The following CUX2 variants were observed in gnomAD, a reference collection of about 807,000 sequenced individuals.
CUX2 encodes the protein cut like homeobox 2, also known as homeobox protein cut-like 2.
A neutral mutation model predicts 144.8 loss-of-function variants in CUX2; 40 were observed. The ratio of observed to expected loss-of-function variants is 0.28; its 90% CI spans 0.21 to 0.36. CUX2 has a LOEUF of 0.36. Ranked by LOEUF, CUX2 falls within the 10% of genes least tolerant of loss-of-function variation. The probability of loss-of-function intolerance (pLI) is 1.00; values close to 1 mark genes in which losing one functional copy is unlikely to be tolerated. For missense variants in CUX2, 1,615 were observed against 1,994.0 expected, an observed-to-expected ratio of 0.81 and a Z score of 3.62; for synonymous variants, 827 against 875.6, an observed-to-expected ratio of 0.94 and a Z score of 0.98.
chr12:111,237,699 C>T (rs1245936438), intron 3 of CUX2, among the ~76,000 whole-genome samples: 1 of 152,220 alleles, frequency 6.6e-6, no homozygotes, highest in Non-Finnish European at 1.5e-5. Context: ...CGGCCACCAC[C>T]TCCAAGACCA....
chr12:111,237,685 C>A (rs534522127), intron 3 of CUX2, among the ~76,000 whole-genome samples: 4 of 152,322 alleles, frequency 2.6e-5, no homozygotes, highest in African/African-American at 4.8e-5. Context: ...GAAACCCAGA[C>A]CTCCGGCCAC....
chr12:111,343,496 T>G (rs1031896300), intron 21 of CUX2, among the ~76,000 whole-genome samples: 4 of 151,952 alleles, frequency 2.6e-5, no homozygotes. Context: ...GAAAATCCAC[T>G]CATCCATTCC....
chr12:111,175,907 G>T (rs1035435296), intron 1 of CUX2, among the ~76,000 whole-genome samples: 1 of 152,002 alleles, frequency 6.6e-6, no homozygotes, highest in Admixed American at 6.6e-5. Context: ...GGTCTTGAAT[G>T]TTGGGTCCAG....
intron 19 of CUX2, among the ~76,000 whole-genome samples, chr12:111,335,715 TA>T (rs1888322608): frequency 6.6e-6 from 1 of 151,606 alleles, no homozygotes; most frequent in Admixed American, 6.6e-5. Flanking sequence ...TCCAAAAAAA[TA>T]AAAAATAAAA....
At chr12:111,235,089 G>A (rs552377519) in intron 3 of CUX2, among the ~76,000 whole-genome samples, 6 of 152,272 alleles carry the variant, frequency 3.9e-5, no homozygotes, top group African/African-American at 1.2e-4. Flanking sequence ...TTTGTCAAGA[G>A]GTTGAGTGAG....
chr12:111,107,892 A>G (rs915271016), intron 1 of CUX2, among the ~76,000 whole-genome samples: 1 of 152,178 alleles, frequency 6.6e-6, no homozygotes, highest in Non-Finnish European at 1.5e-5. Context: ...CCTAACCACA[A>G]CACAATTACA....
At chr12:111,213,691 C>T (rs994556381) in intron 1 of CUX2, among the ~76,000 whole-genome samples, 1 of 152,150 alleles carries the variant, frequency 6.6e-6, no homozygotes, top group African/African-American at 2.4e-5. Flanking sequence ...TCTTAAAAGG[C>T]GTATTTATGA....
chr12:111,314,645 A>AAAAAAAAC lies in CUX2; in HGVS notation c.2002+2451_2002+2452insCAAAAAAA, dbSNP rs1887088631. ...ACAAGAGCAAAACTCAGTCTAAAAAAAAAAAAAAAAAAAAAAAAAAAAACC... is the reference window on the plus strand; with the variant it reads ...ACAAGAGCAAAACTCAGTCTAAAAAAAAAAAAACAAAAAAAAAAAAAAAAAAAAAAACC... On this transcript the variant is annotated intron_variant, in intron 16 of 21. Coordinates refer to ENST00000261726, the MANE Select transcript of CUX2 (RefSeq NM_015267.4). Among the ~76,000 whole-genome samples the AAAAAAAAC allele has an allele frequency of 2.7e-5, 3 of 112,716 alleles. No individual in the cohort carries two copies. In the South Asian group the frequency reaches 9.8e-4, roughly 37 times the overall value. 73.9% of individuals were successfully genotyped at this position (112,716 alleles called of 152,430 possible).
chr12:111,051,655 A>G (rs1426620963), intron 1 of CUX2, among the ~76,000 whole-genome samples: 1 of 152,166 alleles, frequency 6.6e-6, no homozygotes, highest in Non-Finnish European at 1.5e-5. Context: ...TAGACAACAT[A>G]TAGTTGGATC....
intron 1 of CUX2, among the ~76,000 whole-genome samples, chr12:111,049,797 G>T (rs1362601341): frequency 1.3e-5 from 2 of 152,220 alleles, no homozygotes; most frequent in Admixed American, 6.5e-5. Context: ...GCCCAGCAAG[G>T]TCTTTTTGAG....
At position 111,320,444 on chromosome 12, in the gene CUX2, C is replaced by T; in HGVS notation, c.2435C>T (p.Ser812Phe). The change falls in exon 17 of 22, where the codon TCC (serine) becomes TTC (phenylalanine). Residue 812 changes from serine to phenylalanine, a missense_variant. This residue lies in a region of CUX2 where 390 missense variants were observed against 387.1 expected (regional missense o/e 1.01). Coordinates refer to ENST00000261726, the MANE Select transcript of CUX2 (RefSeq NM_015267.4). This position sits in a 1 kb window ranked among gnomAD's most constrained non-coding sequence, Gnocchi z 8.1. ...TCGCCCTCGCTGTCCTCCTCCTCCT[C>T]CTCTGGCTACTCTGGCCAGCCCAAC... ...SVSPSLSSSS[S>F]SGYSGQPNGR... 2 of 1,596,146 alleles carry T rather than the reference C, an allele frequency of 1.3e-6. No homozygotes were observed. Among genetic ancestry groups the T allele is most frequent in the South Asian group, 2.2e-5 (2 of 91,008 alleles).
chr12:111,112,776 G>A (rs984991940), intron 1 of CUX2, among the ~76,000 whole-genome samples: 2 of 152,078 alleles, frequency 1.3e-5, no homozygotes, highest in African/African-American at 2.4e-5. Context: ...CTGGACAAAT[G>A]TCCCTTGCTT....
chr12:111,107,995 G>T (rs757430592), intron 1 of CUX2, among the ~76,000 whole-genome samples: 1 of 152,094 alleles, frequency 6.6e-6, no homozygotes, highest in Non-Finnish European at 1.5e-5. Flanking sequence ...TCGTTTTTCT[G>T]GTCCAGAGTC....
chr12:111,328,976 C>CCTCTCTCCCCCCCCTCT (rs1887960523), intron 18 of CUX2, among the ~76,000 whole-genome samples: 1 of 30,840 alleles, frequency 3.2e-5, no homozygotes, highest in African/African-American at 2.7e-4. Flanking sequence ...TCTCTCTCTC[C>CCTCTCTCCCCCCCCTCT]CCCTCTCTCC....
chr12:111,073,020 T>C (rs933294822), intron 1 of CUX2, among the ~76,000 whole-genome samples: 1 of 152,250 alleles, frequency 6.6e-6, no homozygotes, highest in African/African-American at 2.4e-5. Flanking sequence ...TGTCACGGTT[T>C]CTTTAGATCT....
rs1884930050 is a variant in CUX2 at position 111,277,389 on chromosome 12, AT to A, written c.301+13553del. 1.3e-5 allele frequency among the ~76,000 whole-genome samples: 2 copies of A among 151,842 alleles called. No homozygotes were observed. Among genetic ancestry groups the A allele is most frequent in the Non-Finnish European group, 2.9e-5 (2 of 67,960 alleles). On this transcript the variant is annotated intron_variant, in intron 4 of 21. Coordinates refer to ENST00000261726, the MANE Select transcript of CUX2 (RefSeq NM_015267.4). The surrounding 1 kb of genome is among the most constrained non-coding windows in gnomAD (Gnocchi z 5.0). ...GAGGTTAGTAGGACGGTCAGCTGCCATTTCCTTATCTGATGCAAGCCGTTTC... is the reference window on the plus strand; with the variant it reads ...GAGGTTAGTAGGACGGTCAGCTGCCATTCCTTATCTGATGCAAGCCGTTTC...
At chr12:111,261,772 G>A (rs777285980) in intron 3 of CUX2, among the ~76,000 whole-genome samples, 3 of 152,076 alleles carry the variant, frequency 2.0e-5, no homozygotes, top group South Asian at 2.1e-4. Flanking sequence ...GTATGGTGGC[G>A]GGTGCCTGTA....
intron 3 of CUX2, among the ~76,000 whole-genome samples, chr12:111,231,876 G>A: frequency 6.6e-6 from 1 of 152,086 alleles, no homozygotes; most frequent in East Asian, 1.9e-4. Flanking sequence ...GGGAGGCTGG[G>A]GCAGGTAGAT....
intron 1 of CUX2, among the ~76,000 whole-genome samples, chr12:111,127,948 C>A (rs1056339800): frequency 6.6e-6 from 1 of 152,206 alleles, no homozygotes; most frequent in Admixed American, 6.5e-5. Flanking sequence ...ATTCAGTTAT[C>A]TCCACCTGGC....
Sources: allele counts gnomAD v4.1 joint callset (sites outside exome capture counted in the v4.1 genomes callset), GRCh38; gene constraint gnomAD v4.1.1; regional missense constraint gnomAD v4.1.1; non-coding constraint Gnocchi (gnomAD v3.1); transcripts MANE v1.5; gene names NCBI Gene and HGNC (gene_info 2026-07-23, HGNC 2026-07-21).